The following POFUT2 variants were observed in gnomAD, a reference collection of about 807,000 sequenced individuals.
The protein encoded by POFUT2 is GDP-fucose protein O-fucosyltransferase 2.
POFUT2 carries 30 observed loss-of-function variants against 55.0 expected under a neutral mutation model. The observed-to-expected ratio is 0.55, with a 90% CI of 0.41 to 0.74. The LOEUF (loss-of-function observed/expected upper bound fraction) is 0.74, where lower values mean the gene tolerates loss of function less well. Ranked by LOEUF, POFUT2 falls within the 30% of genes least tolerant of loss-of-function variation. The probability of loss-of-function intolerance (pLI) is 0.00; values close to 1 mark genes in which losing one functional copy is unlikely to be tolerated. For synonymous variants in POFUT2, 267 were observed against 231.1 expected (o/e 1.16, Z -1.41); for missense variants, 524 against 562.6 (o/e 0.93, Z 0.69).
At chr21:45,287,607 C>A in intron 1 of POFUT2, 134 bp downstream of exon 1, 2 of 924,942 alleles carry the variant, frequency 2.2e-6, no homozygotes, top group Non-Finnish European at 2.8e-6. Flanking sequence ...GGCCCCGGAC[C>A]ACCCTCCATC....
At chr21:45,271,095 C>T (rs1489312998) in intron 6 of POFUT2, among the ~76,000 whole-genome samples, 1 of 151,726 alleles carries the variant, frequency 6.6e-6, no homozygotes, top group Non-Finnish European at 1.5e-5. Flanking sequence ...TATTAAGCTA[C>T]TCAAGGACAT....
intron 4 of POFUT2, 27 bp from the exon 5 acceptor site, chr21:45,278,196 C>T: frequency 6.3e-7 from 1 of 1,579,234 alleles, no homozygotes; most frequent in East Asian, 2.2e-5. Flanking sequence ...GAAGAATAAA[C>T]AGTTATAAGA....
At position 45,268,898 on chromosome 21, in the gene POFUT2, C is replaced by T. The variant is rs1441222493; in HGVS notation, c.1012+941G>A. 2.9e-4 allele frequency among the ~76,000 whole-genome samples: 31 copies of T among 106,908 alleles called. 1 individual carries two copies. The highest frequency in any genetic ancestry group is 1.0e-3 in the East Asian group (3 of 2,862). The allele number at this position is 106,908 out of a possible 152,430, so 70.1% of individuals were successfully genotyped here. The stretch of plus-strand genomic sequence containing the variant: ...ACCCCGGGCGGCCAGCCGCCCCGTC[C>T]GGGAGGGAGGTGGGGGGGTCAGCCC... On this transcript the variant is annotated intron_variant, in intron 7 of 8. Coordinates refer to ENST00000349485, the MANE Select transcript of POFUT2 (RefSeq NM_133635.6).
At position 45,267,788 on chromosome 21, in the gene POFUT2, G is replaced by A; in HGVS notation, c.1013-75C>T. 7.5e-7 allele frequency: 1 copy of A among 1,329,576 alleles called. No individual in the cohort carries two copies. Among genetic ancestry groups the A allele is most frequent in the Non-Finnish European group, 1.1e-6 (1 of 938,186 alleles). The allele number at this position is 1,329,576 out of a possible 1,614,324, so 82.4% of individuals were successfully genotyped here. A position where few individuals can be genotyped will look rare whatever the true frequency, so the allele number is the denominator to read the frequency against. Reference sequence around the variant, plus strand: ...CAGATACGTGACTCTTTAGCAGACAGACATGCGTACTTGGCTTCTGGTTAA... The same window carrying A: ...CAGATACGTGACTCTTTAGCAGACAAACATGCGTACTTGGCTTCTGGTTAA... On this transcript the variant is annotated intron_variant, in intron 7 of 8. Transcript: ENST00000349485. This position sits in a 1 kb window ranked among gnomAD's most constrained non-coding sequence, Gnocchi z 4.4.
chr21:45,265,578 TTC>T lies in POFUT2; in HGVS notation c.1192_1193del (p.Glu398AsnfsTer22), dbSNP rs1400978975. The T allele has an allele frequency of 6.2e-7, 1 of 1,614,094 alleles. No homozygotes were observed. Among genetic ancestry groups the T allele is most frequent in the Admixed American group, 1.7e-5 (1 of 60,006 alleles). ...TCGTCTTGGGGTCCAACCCCAGGATTTCTCTTTCCTCATGAATCCGAAAAGAA... is the reference window on the plus strand; with the variant it reads ...TCGTCTTGGGGTCCAACCCCAGGATTTCTTTCCTCATGAATCCGAAAAGAA... The part of the protein sequence containing the change: ...TFSFRIHEER[E>X]ILGLDPKTTY... On this transcript the variant is annotated frameshift_variant, in exon 9 of 9. Coordinates refer to ENST00000349485, the MANE Select transcript of POFUT2 (RefSeq NM_133635.6). LOFTEE classifies it high-confidence loss of function. The surrounding 1 kb of genome is among the most constrained non-coding windows in gnomAD (Gnocchi z 4.6).
rs2030804644 is a variant in POFUT2, at chr21:45,282,486, T to C, written c.528-27A>G. 1.5e-6 allele frequency: 2 copies of C among 1,319,198 alleles called. No individual in the cohort carries two copies. The highest frequency in any genetic ancestry group is 2.4e-5 in the South Asian group (2 of 84,830). The allele number at this position is 1,319,198 out of a possible 1,614,324, so 81.7% of individuals were successfully genotyped here. ...TGGAAAACAAAACCCACAGCAGCTC[T>C]ATCAGTTTATTTTGCTTTCACAAGG... On this transcript the variant is annotated intron_variant, in intron 3 of 8. Coordinates refer to ENST00000349485, the MANE Select transcript of POFUT2 (RefSeq NM_133635.6). This position sits in a 1 kb window ranked among gnomAD's most constrained non-coding sequence, Gnocchi z 4.6.
intron 4 of POFUT2, among the ~76,000 whole-genome samples, chr21:45,280,373 A>G (rs1049280811): frequency 3.3e-5 from 5 of 151,970 alleles, no homozygotes; most frequent in Non-Finnish European, 7.4e-5. Flanking sequence ...CTGTGGATCT[A>G]CCACACTCTA....
In POFUT2 at chr21:45,281,991, G is replaced by C. The variant is rs1451971513; in HGVS notation, c.638+358C>G. Among the ~76,000 whole-genome samples, 1 of 152,120 alleles carries C rather than the reference G, an allele frequency of 6.6e-6. No homozygotes were observed. Among genetic ancestry groups the C allele is most frequent in the Non-Finnish European group, 1.5e-5 (1 of 68,008 alleles). The stretch of plus-strand genomic sequence containing the variant: ...ATCAAACAGTGGGTGTTGGGTGTGG[G>C]GAGGGGGGAGGTACTGGTAAAAGCT... On this transcript the variant is annotated intron_variant, in intron 4 of 8. Coordinates refer to ENST00000349485, the MANE Select transcript of POFUT2 (RefSeq NM_133635.6). This position sits in a 1 kb window ranked among gnomAD's most constrained non-coding sequence, Gnocchi z 5.0.
In POFUT2 at chr21:45,287,876, C is replaced by T; in HGVS notation, c.-5G>A. ...GACGAAGCTGAGTGTCGCCATGGCC[C>T]CGGGCGGCCACGCACTTCCGGCGGC... On this transcript the variant is annotated 5_prime_UTR_variant, in exon 1 of 9. Transcript: ENST00000349485. 1.5e-6 allele frequency: 2 copies of T among 1,344,382 alleles called. No individual in the cohort carries two copies. The highest frequency in any genetic ancestry group is 1.9e-6 in the Non-Finnish European group (2 of 1,039,754). 83.3% of individuals were successfully genotyped at this position (1,344,382 alleles called of 1,614,324 possible).
chr21:45,287,846 A>G lies in POFUT2; in HGVS notation c.26T>C (p.Leu9Pro). The change falls in exon 1 of 9, where the codon CTG becomes CCG. Residue 9 changes from leucine (L) to proline (P), a missense_variant. Leu to Pro is a moderately conservative substitution (Grantham distance 98). This residue lies in a region of POFUT2 where 274 missense variants were observed against 244.4 expected (regional missense o/e 1.12). Transcript: ENST00000349485. Reference protein sequence around the residue: MATLSFVFLLLGAVSWPPA... With the variant: MATLSFVFPLLGAVSWPPA... ...AGGCCAGGACACTGCCCCCAGCAGC[A>G]GGAAGACGAAGCTGAGTGTCGCCAT... The G allele has an allele frequency of 7.0e-7, 1 of 1,433,514 alleles. No individual in the cohort carries two copies. Among genetic ancestry groups the G allele is most frequent in the Non-Finnish European group, 9.2e-7 (1 of 1,085,020 alleles). 88.8% of individuals were successfully genotyped at this position (1,433,514 alleles called of 1,614,324 possible).
At chr21:45,279,967 G>A (rs1277057263) in intron 4 of POFUT2, among the ~76,000 whole-genome samples, 1 of 152,242 alleles carries the variant, frequency 6.6e-6, no homozygotes, top group Non-Finnish European at 1.5e-5. Context: ...AGAGATGGGT[G>A]TAGCTGGATT....
At chr21:45,266,431 A>C in intron 8 of POFUT2, 1 of 1,173,360 alleles carries the variant, frequency 8.5e-7, no homozygotes, top group Non-Finnish European at 1.1e-6. Flanking sequence ...AGCTTCAGTG[A>C]GCTGGGCCGA....
At chr21:45,276,976 A>C in intron 6 of POFUT2, 41 bp downstream of exon 6, 4 of 1,607,830 alleles carry the variant, frequency 2.5e-6, no homozygotes, top group Non-Finnish European at 3.4e-6. Context: ...CTCCAGAGAG[A>C]CTTTACCTTT....
rs533914824 is a variant in POFUT2 at position 45,267,550 on chromosome 21, A to C, written c.1136+40T>G. The C allele has an allele frequency of 3.2e-5, 52 of 1,614,046 alleles. No individual in the cohort carries two copies. In the East Asian group the frequency reaches 6.0e-4, roughly 19 times the overall value. On this transcript the variant is annotated intron_variant, in intron 8 of 8. Coordinates refer to ENST00000349485, the MANE Select transcript of POFUT2 (RefSeq NM_133635.6). The surrounding 1 kb of genome is among the most constrained non-coding windows in gnomAD (Gnocchi z 4.4). ...TGGGACAGAAGAACCTTTGAAAGCCACCCGACCCGCTCTCGGCCGACAGTG... is the reference window on the plus strand; with the variant it reads ...TGGGACAGAAGAACCTTTGAAAGCCCCCCGACCCGCTCTCGGCCGACAGTG...
At chr21:45,286,026 G>A in intron 1 of POFUT2, 98 bp from the exon 2 acceptor site, 2 of 1,077,302 alleles carry the variant, frequency 1.9e-6, no homozygotes, top group Middle Eastern at 2.3e-4. Flanking sequence ...CCGACTCTAG[G>A]CACTTAACAA....
chr21:45,268,118 C>T (rs554319595), intron 7 of POFUT2, among the ~76,000 whole-genome samples: 2 of 150,750 alleles, frequency 1.3e-5, no homozygotes, highest in African/African-American at 4.9e-5. Flanking sequence ...CTCAGCCTGC[C>T]GAGTGCCTGC....
In POFUT2 at chr21:45,281,813, G is replaced by A. The variant is rs1050068559; in HGVS notation, c.638+536C>T. Among the ~76,000 whole-genome samples, 1 of 152,004 alleles carries A rather than the reference G, an allele frequency of 6.6e-6. No homozygotes were observed. The highest frequency in any genetic ancestry group is 1.5e-5 in the Non-Finnish European group (1 of 68,006). ...GTGGCCATCAACAATTCCCTCCAGA[G>A]TTTACGACATCATCAGGTACTGACT... On this transcript the variant is annotated intron_variant, in intron 4 of 8. Transcript: ENST00000349485. The surrounding 1 kb of genome is among the most constrained non-coding windows in gnomAD (Gnocchi z 5.0).
Position 45,265,678 on chromosome 21 carries a change from G to GA in POFUT2, c.1137-44_1137-43insT. ...GGTTCCAGAGTCAGGGAGAACTGGC[G>GA]TCACAGAGGTTCCAGAGTCAGGGAG... On this transcript the variant is annotated intron_variant, in intron 8 of 8. Transcript: ENST00000349485. The surrounding 1 kb of genome is among the most constrained non-coding windows in gnomAD (Gnocchi z 4.6). The GA allele has an allele frequency of 1.3e-6, 1 of 765,450 alleles. No individual in the cohort carries two copies. The highest frequency in any genetic ancestry group is 1.7e-6 in the Non-Finnish European group (1 of 575,708). 47.4% of individuals were successfully genotyped at this position (765,450 alleles called of 1,614,324 possible).
Position 45,270,693 on chromosome 21 carries a change from C to T in POFUT2, c.832-674G>A, listed in dbSNP as rs1336959983. 2.0e-5 allele frequency among the ~76,000 whole-genome samples: 3 copies of T among 152,242 alleles called. No homozygotes were observed. The highest frequency in any genetic ancestry group is 6.5e-5 in the Admixed American group (1 of 15,286). On this transcript the variant is annotated intron_variant, in intron 6 of 8. Coordinates refer to ENST00000349485, the MANE Select transcript of POFUT2 (RefSeq NM_133635.6). The surrounding 1 kb of genome is among the most constrained non-coding windows in gnomAD (Gnocchi z 4.6). ...GCAGAGCAGGTGCTGGAACCCATGG[C>T]TGGGAGACCCGAAGACGGATCACAG...
Sources: allele counts gnomAD v4.1 joint callset (sites outside exome capture counted in the v4.1 genomes callset), GRCh38; gene constraint gnomAD v4.1.1; regional missense constraint gnomAD v4.1.1; non-coding constraint Gnocchi (gnomAD v3.1); transcripts MANE v1.5; gene names NCBI Gene and HGNC (gene_info 2026-07-23, HGNC 2026-07-21).